The following TNFRSF10C variants were observed in gnomAD, a reference collection of about 807,000 sequenced individuals.
The protein encoded by TNFRSF10C is tumor necrosis factor receptor superfamily member 10C.
In TNFRSF10C, 17 loss-of-function variants were observed where a neutral mutation model predicts 16.7. That is an observed-to-expected ratio of 1.02 (90% CI 0.70 to 1.53). The LOEUF (loss-of-function observed/expected upper bound fraction) is 1.53. Among genes scored for constraint, TNFRSF10C ranks in the 40% most tolerant of loss-of-function variants. TNFRSF10C has a pLI of 0.00. For missense variants in TNFRSF10C, 237 were observed against 329.7 expected (o/e 0.72, Z 2.18); for synonymous variants, 73 against 119.7 (o/e 0.61, Z 2.55).
At chr8:23,107,293 G>T (rs191458527) in intron 1 of TNFRSF10C, among the ~76,000 whole-genome samples, 4 of 152,260 alleles carry the variant, frequency 2.6e-5, no homozygotes, top group African/African-American at 9.6e-5. Context: ...ATTAAAATTC[G>T]ACCAATCTAT....
intron 2 of TNFRSF10C, among the ~76,000 whole-genome samples, chr8:23,114,239 G>A (rs1386759126): frequency 6.6e-6 from 1 of 152,092 alleles, no homozygotes; most frequent in Non-Finnish European, 1.5e-5. Flanking sequence ...CAGGTCAGGT[G>A]GACCAGCATG....
At position 23,111,759 on chromosome 8, in the gene TNFRSF10C, G is replaced by A. The variant is rs762635342; in HGVS notation, c.100G>A (p.Val34Ile). Residue 34 changes from valine to isoleucine, a missense_variant, in exon 2 of 5, where the codon GTT (valine) becomes ATT (isoleucine). Val to Ile is a conservative substitution (Grantham distance 29). This residue lies in a region of TNFRSF10C where 212 missense variants were observed against 196.8 expected (regional missense o/e 1.08). Coordinates refer to ENST00000356864, the MANE Select transcript of TNFRSF10C (RefSeq NM_003841.5). Reference sequence around the variant, plus strand: ...TGCCACCACTGCCCGGCAGGAGGAAGTTCCCCAGCAGACAGTGGCCCCACA... The same window carrying A: ...TGCCACCACTGCCCGGCAGGAGGAAATTCCCCAGCAGACAGTGGCCCCACA... ...YSATTARQEEVPQQTVAPQQQ... is the reference protein window; with the variant it reads ...YSATTARQEEIPQQTVAPQQQ... 7.4e-6 allele frequency: 12 copies of A among 1,614,040 alleles called. No individual in the cohort carries two copies. In the East Asian group the frequency reaches 1.3e-4, roughly 18 times the overall value.
intron 2 of TNFRSF10C, among the ~76,000 whole-genome samples, chr8:23,113,075 T>G (rs1317863247): frequency 6.6e-6 from 1 of 152,222 alleles, no homozygotes; most frequent in East Asian, 1.9e-4. Context: ...TCATATACTT[T>G]TTGGCCACTT....
chr8:23,109,917 A>T (rs1813847650), intron 1 of TNFRSF10C, among the ~76,000 whole-genome samples: 1 of 151,838 alleles, frequency 6.6e-6, no homozygotes, highest in East Asian at 1.9e-4. Context: ...TGTGAAAATT[A>T]GATGGGCGTT....
chr8:23,115,373 T>G, intron 3 of TNFRSF10C, 135 bp from the exon 4 acceptor site: 1 of 629,102 alleles, frequency 1.6e-6, no homozygotes, highest in Non-Finnish European at 2.8e-6. Context: ...GAGCCCTGAG[T>G]GTGCTGGTGC....
At chr8:23,113,475 T>G (rs1022418009) in intron 2 of TNFRSF10C, among the ~76,000 whole-genome samples, 11 of 152,250 alleles carry the variant, frequency 7.2e-5, no homozygotes, top group African/African-American at 2.7e-4. Context: ...AATTTTTACA[T>G]ATGATGTGAG....
chr8:23,114,334 T>C (rs773536525), intron 2 of TNFRSF10C, among the ~76,000 whole-genome samples: 3 of 152,220 alleles, frequency 2.0e-5, no homozygotes, highest in Admixed American at 2.0e-4. Flanking sequence ...TGTGTATTGA[T>C]TACATGTTGA....
intron 2 of TNFRSF10C, chr8:23,114,453 G>T (rs1813937736): frequency 4.6e-6 from 2 of 431,362 alleles, no homozygotes; most frequent in Non-Finnish European, 8.4e-6. Flanking sequence ...ATTTTGCATA[G>T]AATTTGAATT....
chr8:23,103,287 C>T, intron 1 of TNFRSF10C, 106 bp downstream of exon 1: 3 of 1,521,846 alleles, frequency 2.0e-6, no homozygotes, highest in African/African-American at 1.4e-5. Context: ...TCACCTGCGG[C>T]CGGGCATGTC....
chr8:23,113,565 A>T (rs1813920806), intron 2 of TNFRSF10C, among the ~76,000 whole-genome samples: 1 of 152,034 alleles, frequency 6.6e-6, no homozygotes, highest in African/African-American at 2.4e-5. Context: ...TCCTTTCCCC[A>T]TTTTGTGTTC....
At chr8:23,112,783 G>A (rs181953454) in intron 2 of TNFRSF10C, among the ~76,000 whole-genome samples, 206 of 152,306 alleles carry the variant, frequency 1.4e-3, no homozygotes, top group Non-Finnish European at 2.5e-3. Context: ...GCATATGGGA[G>A]GGAAGATATC....
At chr8:23,103,294 T>A in intron 1 of TNFRSF10C, 113 bp downstream of exon 1, 1 of 1,525,172 alleles carries the variant, frequency 6.6e-7, no homozygotes, top group Non-Finnish European at 8.9e-7. Flanking sequence ...CGGCCGGGCA[T>A]GTCCGGGCAG....
chr8:23,117,261 C>T lies in TNFRSF10C; in HGVS notation c.*230C>T. ...GCACCCCCCAGGACCCTGGTCTCAT[C>T]AGTCCCTCTCCTGGAGCTGGGGGTC... On this transcript the variant is annotated 3_prime_UTR_variant, in exon 5 of 5. Transcript: ENST00000356864. 2 of 647,770 alleles carry T rather than the reference C, an allele frequency of 3.1e-6. No individual in the cohort carries two copies. The highest frequency in any genetic ancestry group is 5.2e-6 in the Non-Finnish European group (2 of 387,462). The allele number at this position is 647,770 out of a possible 1,614,324, so 40.1% of individuals were successfully genotyped here.
chr8:23,106,331 A>G (rs1363842990), intron 1 of TNFRSF10C, among the ~76,000 whole-genome samples: 1 of 151,648 alleles, frequency 6.6e-6, no homozygotes, highest in Non-Finnish European at 1.5e-5. Flanking sequence ...GGGCCATAGG[A>G]TGTGGTACTG....
intron 4 of TNFRSF10C, 105 bp from the exon 5 acceptor site, chr8:23,116,536 C>A: frequency 6.8e-7 from 1 of 1,468,744 alleles, no homozygotes; most frequent in Non-Finnish European, 9.1e-7. Flanking sequence ...TGTCCTTCCC[C>A]TGACACCTTC....
In TNFRSF10C at chr8:23,111,791, G is replaced by A. The variant is rs1813883384; in HGVS notation, c.132G>A (p.Gln44=). ...VPQQTVAPQQ[Q]RHSFKGEECP... The stretch of plus-strand genomic sequence containing the variant: ...AGCAGACAGTGGCCCCACAGCAACA[G>A]AGGCACAGCTTCAAGGGGGAGGAGT... Residue 44 remains glutamine (Q), a synonymous_variant, in exon 2 of 5, where the codon CAG becomes CAA. Transcript: ENST00000356864. The A allele has an allele frequency of 1.9e-6, 3 of 1,614,050 alleles. No homozygotes were observed. Among genetic ancestry groups the A allele is most frequent in the African/African-American group, 1.3e-5 (1 of 74,934 alleles).
intron 1 of TNFRSF10C, among the ~76,000 whole-genome samples, chr8:23,109,453 C>T (rs962564962): frequency 2.6e-5 from 4 of 151,802 alleles, no homozygotes; most frequent in East Asian, 1.9e-4. Flanking sequence ...CTGGCTAACA[C>T]GGTGAAACCC....
Position 23,108,195 on chromosome 8 carries a change from CA to C in TNFRSF10C, c.61-3524del, listed in dbSNP as rs1352601977. On this transcript the variant is annotated intron_variant, in intron 1 of 4. Transcript: ENST00000356864. The stretch of plus-strand genomic sequence containing the variant: ...AAGGAACAGGAAGGAAAGGAAGGAA[CA>C]GAAAGAAAAGAAGGAAAGTACACTT... Among the ~76,000 whole-genome samples, 6 of 152,092 alleles carry C rather than the reference CA, an allele frequency of 3.9e-5. No homozygotes were observed. In the East Asian group the frequency reaches 1.2e-3, roughly 29 times the overall value.
At chr8:23,115,385 G>A (rs1813960641) in intron 3 of TNFRSF10C, 123 bp from the exon 4 acceptor site, 1 of 704,688 alleles carries the variant, frequency 1.4e-6, no homozygotes, top group Non-Finnish European at 2.4e-6. Flanking sequence ...TGCTGGTGCA[G>A]AAACTGGCCC....
Sources: allele counts gnomAD v4.1 joint callset (sites outside exome capture counted in the v4.1 genomes callset), GRCh38; gene constraint gnomAD v4.1.1; regional missense constraint gnomAD v4.1.1; transcripts MANE v1.5; gene names NCBI Gene and HGNC (gene_info 2026-07-23, HGNC 2026-07-21).